ADGRL3: variants seen among roughly 807,000 people sequenced by gnomAD.
ADGRL3 encodes the protein calcium-independent alpha-latrotoxin receptor 3.
In ADGRL3, 62 loss-of-function variants were observed where a neutral mutation model predicts 153.5. The observed-to-expected ratio is 0.40, with a 90% confidence interval of 0.33 to 0.50. The LOEUF (loss-of-function observed/expected upper bound fraction) is 0.50, where lower values mean the gene tolerates loss of function less well. Ranked by LOEUF, ADGRL3 falls within the 20% of genes least tolerant of loss-of-function variation. The pLI is 0.47. For missense variants in ADGRL3, 1,641 were observed against 1,859.4 expected, an observed-to-expected ratio of 0.88 and a Z score of 2.16; for synonymous variants, 710 against 672.5, an observed-to-expected ratio of 1.06 and a Z score of -0.86.
chr4:61,890,777 A>T (rs1175801117), intron 9 of ADGRL3, among the ~76,000 whole-genome samples: 1 of 152,220 alleles, frequency 6.6e-6, no homozygotes, highest in African/African-American at 2.4e-5. Context: ...ATGTCAAAAA[A>T]GATTTTTTTG....
intron 9 of ADGRL3, among the ~76,000 whole-genome samples, chr4:61,847,749 TTATATATAATACAAAATA>T (rs1274841504): frequency 1.8e-4 from 7 of 38,402 alleles, no homozygotes; most frequent in African/African-American, 6.9e-4. Flanking sequence ...ACAAAATATA[TTATATATAATACAAAATA>T]TATATATAAT....
At chr4:61,917,594 C>T (rs936232429) in intron 13 of ADGRL3, among the ~76,000 whole-genome samples, 1 of 150,504 alleles carries the variant, frequency 6.6e-6, no homozygotes, top group Non-Finnish European at 1.5e-5. Flanking sequence ...CCAGTTGCTC[C>T]ACAACCTCAC....
intron 2 of ADGRL3, among the ~76,000 whole-genome samples, chr4:61,450,961 C>G (rs1307402600): frequency 6.6e-6 from 1 of 151,926 alleles, no homozygotes; most frequent in East Asian, 1.9e-4. Context: ...TACACAATTA[C>G]AATAGTATTA....
At chr4:61,488,494 T>C (rs1301947316) in intron 2 of ADGRL3, among the ~76,000 whole-genome samples, 1 of 151,992 alleles carries the variant, frequency 6.6e-6, no homozygotes, top group East Asian at 1.9e-4. Flanking sequence ...GAAACTTATG[T>C]AGGGTATTGC....
intron 1 of ADGRL3, among the ~76,000 whole-genome samples, chr4:61,310,196 CT>C (rs1220063368): frequency 6.6e-6 from 1 of 151,606 alleles, no homozygotes; most frequent in African/African-American, 2.4e-5. Context: ...AAAATAGGGA[CT>C]TTATTTCCCC....
At chr4:61,799,010 T>TATATAC (rs1316435960) in intron 8 of ADGRL3, among the ~76,000 whole-genome samples, 3 of 98,478 alleles carry the variant, frequency 3.0e-5, no homozygotes, top group Non-Finnish European at 6.6e-5. Flanking sequence ...TATATATATA[T>TATATAC]ATATATATAT....
At chr4:61,294,755 C>T (rs12508911) in intron 1 of ADGRL3, among the ~76,000 whole-genome samples, 49,185 of 151,872 alleles carry the variant, frequency 0.32, 8,522 homozygotes, top group East Asian at 0.42. Context: ...TGGAAATAAG[C>T]GCTATTACTG....
chr4:61,438,343 T>G (rs1397154147), intron 2 of ADGRL3, among the ~76,000 whole-genome samples: 1 of 151,272 alleles, frequency 6.6e-6, no homozygotes, highest in Non-Finnish European at 1.5e-5. Context: ...TTTTTATTTT[T>G]ATTTTTATTT....
intron 6 of ADGRL3, among the ~76,000 whole-genome samples, chr4:61,701,183 T>C (rs567180574): frequency 6.6e-6 from 1 of 152,176 alleles, no homozygotes; most frequent in Admixed American, 6.5e-5. Flanking sequence ...TGAAGACATA[T>C]ATAGAGAAGG....
intron 9 of ADGRL3, among the ~76,000 whole-genome samples, chr4:61,889,902 A>T (rs77079718): frequency 6.6e-6 from 1 of 152,308 alleles, no homozygotes; most frequent in East Asian, 1.9e-4. Flanking sequence ...CCAGAGAGTT[A>T]TATGCTGATT....
At chr4:61,858,867 A>G (rs1266115938) in intron 9 of ADGRL3, among the ~76,000 whole-genome samples, 1 of 152,132 alleles carries the variant, frequency 6.6e-6, no homozygotes, top group African/African-American at 2.4e-5. Flanking sequence ...TCTGTTATTT[A>G]CATATAGAGA....
chr4:61,280,549 T>C (rs1213428758), intron 1 of ADGRL3, among the ~76,000 whole-genome samples: 6 of 152,118 alleles, frequency 3.9e-5, no homozygotes, highest in African/African-American at 1.4e-4. Context: ...GATTAAACAT[T>C]AGATAATGTT....
intron 2 of ADGRL3, among the ~76,000 whole-genome samples, chr4:61,432,358 G>C (rs1386850355): frequency 2.0e-5 from 3 of 152,068 alleles, no homozygotes; most frequent in African/African-American, 7.2e-5. Context: ...TACATATAAA[G>C]CAGGCTTTTG....
At chr4:61,438,973 C>A (rs1330468026) in intron 2 of ADGRL3, among the ~76,000 whole-genome samples, 3 of 151,930 alleles carry the variant, frequency 2.0e-5, no homozygotes, top group Non-Finnish European at 4.4e-5. Flanking sequence ...TCCCAAAGTG[C>A]GGTTGTTACG....
At chr4:61,703,835 T>A (rs2095809794) in intron 6 of ADGRL3, among the ~76,000 whole-genome samples, 1 of 151,860 alleles carries the variant, frequency 6.6e-6, no homozygotes, top group Non-Finnish European at 1.5e-5. Flanking sequence ...TTGCTTTGAT[T>A]TTTATTTTAG....
At chr4:61,687,988 C>T (rs1156636857) in intron 6 of ADGRL3, among the ~76,000 whole-genome samples, 1 of 152,016 alleles carries the variant, frequency 6.6e-6, no homozygotes, top group East Asian at 1.9e-4. Context: ...ACAAACATGA[C>T]TGGTTCCTAA....
chr4:61,583,209 C>A (rs9684031), intron 4 of ADGRL3, among the ~76,000 whole-genome samples: 1 of 152,012 alleles, frequency 6.6e-6, no homozygotes, highest in Non-Finnish European at 1.5e-5. Context: ...GTTACCTTGG[C>A]AAGTCTCTGA....
intron 1 of ADGRL3, among the ~76,000 whole-genome samples, chr4:61,355,820 T>G (rs1408971069): frequency 2.0e-5 from 3 of 152,080 alleles, no homozygotes; most frequent in African/African-American, 7.2e-5. Flanking sequence ...GTTGAATAAA[T>G]GGATGAAGAA....
At chr4:61,356,132 T>C (rs1386734364) in intron 1 of ADGRL3, among the ~76,000 whole-genome samples, 1 of 152,086 alleles carries the variant, frequency 6.6e-6, no homozygotes, top group Non-Finnish European at 1.5e-5. Flanking sequence ...CATTTTTATT[T>C]GACTCTTTTC....
Sources: allele counts gnomAD v4.1 joint callset (sites outside exome capture counted in the v4.1 genomes callset), GRCh38; gene constraint gnomAD v4.1.1; transcripts MANE v1.5; gene names NCBI Gene and HGNC (gene_info 2026-07-23, HGNC 2026-07-21).